The following DOK5 variants were observed in gnomAD, a reference collection of about 807,000 sequenced individuals.
The protein encoded by DOK5 is docking protein 5, also known as downstream of tyrosine kinase 5.
A neutral mutation model predicts 43.3 loss-of-function variants in DOK5; 27 were observed. The ratio of observed to expected loss-of-function variants is 0.62; its 90% CI spans 0.46 to 0.86. The LOEUF (loss-of-function observed/expected upper bound fraction) is 0.86. Among genes scored for constraint, DOK5 ranks in the 40% least tolerant of loss-of-function variants. The pLI is 0.00. For synonymous variants in DOK5, 146 were observed against 140.1 expected, an observed-to-expected ratio of 1.04 and a Z score of -0.30; for missense variants, 373 against 392.9, an observed-to-expected ratio of 0.95 and a Z score of 0.43.
intron 2 of DOK5, among the ~76,000 whole-genome samples, chr20:54,571,058 A>G (rs1985265714): frequency 6.6e-6 from 1 of 152,202 alleles, no homozygotes; most frequent in African/African-American, 2.4e-5. Context: ...ATTTTTGGAA[A>G]TTCTTAATTG....
chr20:54,608,817 G>T (rs552624743), intron 5 of DOK5, among the ~76,000 whole-genome samples: 1 of 151,938 alleles, frequency 6.6e-6, no homozygotes, highest in South Asian at 2.1e-4. Context: ...GATTACAGGT[G>T]CCCCCCACAC....
At chr20:54,491,256 A>T (rs1982163415) in intron 1 of DOK5, among the ~76,000 whole-genome samples, 1 of 152,224 alleles carries the variant, frequency 6.6e-6, no homozygotes, top group African/African-American at 2.4e-5. Flanking sequence ...TAGTGGCTAG[A>T]ATAGTATCTG....
chr20:54,626,384 C>T lies in DOK5; in HGVS notation c.735+15861C>T, dbSNP rs117985117. On this transcript the variant is annotated intron_variant, in intron 6 of 7. Coordinates refer to ENST00000262593, the MANE Select transcript of DOK5 (RefSeq NM_018431.5). ...CATCTGGCTCTTTGCTGAGAGTCTG[C>T]GTGCTTTATTTCCTTCAATTTTCAC... Among the ~76,000 whole-genome samples, 16 of 152,220 alleles carry T rather than the reference C, an allele frequency of 1.1e-4. No homozygotes were observed. The East Asian group carries it at 2.5e-3, about 24-fold the overall frequency.
chr20:54,601,601 T>G (rs1986300166), intron 5 of DOK5, among the ~76,000 whole-genome samples: 1 of 152,252 alleles, frequency 6.6e-6, no homozygotes, highest in African/African-American at 2.4e-5. Flanking sequence ...AGAATTTACA[T>G]CTAAAAGTGA....
chr20:54,506,105 C>T (rs1419409272), intron 1 of DOK5, among the ~76,000 whole-genome samples: 1 of 152,092 alleles, frequency 6.6e-6, no homozygotes, highest in East Asian at 1.9e-4. Context: ...GAGAAGCAGC[C>T]CAGCTCTGCC....
chr20:54,489,396 T>G (rs1307724817), intron 1 of DOK5, among the ~76,000 whole-genome samples: 1 of 151,990 alleles, frequency 6.6e-6, no homozygotes, highest in South Asian at 2.1e-4. Context: ...ATAAGTAGTT[T>G]TGTGTGTGTG....
At chr20:54,528,068 C>T (rs1254309494) in intron 1 of DOK5, among the ~76,000 whole-genome samples, 4 of 152,046 alleles carry the variant, frequency 2.6e-5, no homozygotes, top group East Asian at 1.9e-4. Context: ...GTTAGTTGGG[C>T]GTGATGGTAG....
chr20:54,558,026 A>G (rs906699732), intron 2 of DOK5, among the ~76,000 whole-genome samples: 2 of 152,270 alleles, frequency 1.3e-5, no homozygotes, highest in African/African-American at 4.8e-5. Flanking sequence ...CTGAAAAGCA[A>G]GAAATGTTAT....
At chr20:54,643,603 A>G (rs1979231329) in intron 7 of DOK5, 25 bp downstream of exon 7, 1 of 1,607,360 alleles carries the variant, frequency 6.2e-7, no homozygotes, top group Non-Finnish European at 8.5e-7. Flanking sequence ...ACCTGTGTCC[A>G]GGGTGTGGGC....
chr20:54,589,792 A>C (rs1985925613), intron 4 of DOK5, among the ~76,000 whole-genome samples: 1 of 152,230 alleles, frequency 6.6e-6, no homozygotes, highest in Non-Finnish European at 1.5e-5. Context: ...TGACACATTT[A>C]CAATCTGTGA....
chr20:54,493,924 C>T (rs976630953), intron 1 of DOK5, among the ~76,000 whole-genome samples: 1 of 152,166 alleles, frequency 6.6e-6, no homozygotes, highest in African/African-American at 2.4e-5. Flanking sequence ...GGGTGACAGA[C>T]TGAGACCAAG....
intron 5 of DOK5, among the ~76,000 whole-genome samples, chr20:54,604,621 A>C (rs1986406908): frequency 6.6e-6 from 1 of 152,190 alleles, no homozygotes; most frequent in Non-Finnish European, 1.5e-5. Flanking sequence ...TTATTCTTTC[A>C]ATTATAACGT....
In DOK5 at chr20:54,475,946, G is replaced by C; in HGVS notation, c.-1G>C. 3 of 1,613,362 alleles carry C rather than the reference G, an allele frequency of 1.9e-6. No homozygotes were observed. The highest frequency in any genetic ancestry group is 2.5e-6 in the Non-Finnish European group (3 of 1,179,930). On this transcript the variant is annotated 5_prime_UTR_variant, in exon 1 of 8. Transcript: ENST00000262593. This position sits in a 1 kb window ranked among gnomAD's most constrained non-coding sequence, Gnocchi z 4.2. ...AAAGGGGGGGTCACCGGCTGTCTGGGATGGCTTCCAATTTTAATGACATAG... is the reference window on the plus strand; with the variant it reads ...AAAGGGGGGGTCACCGGCTGTCTGGCATGGCTTCCAATTTTAATGACATAG...
chr20:54,491,977 A>G (rs977072396), intron 1 of DOK5, among the ~76,000 whole-genome samples: 10 of 152,132 alleles, frequency 6.6e-5, no homozygotes, highest in African/African-American at 2.4e-4. Flanking sequence ...AAAAAGAAAG[A>G]AAGACAAAGG....
chr20:54,631,478 G>A (rs565341113), intron 6 of DOK5, among the ~76,000 whole-genome samples: 6 of 151,938 alleles, frequency 3.9e-5, no homozygotes, highest in African/African-American at 1.4e-4. Flanking sequence ...GAAGGAGAGA[G>A]GGAGGGAGGC....
intron 1 of DOK5, among the ~76,000 whole-genome samples, chr20:54,496,765 C>CAAAAAAAAAAAAAAAAAAA (rs74179280): frequency 1.7e-5 from 1 of 59,508 alleles, no homozygotes; most frequent in Non-Finnish European, 3.7e-5. Context: ...GACTCCGTCT[C>CAAAAAAAAAAAAAAAAAAA]AAAAAAAAAA....
At chr20:54,581,225 T>C (rs1400089051) in intron 2 of DOK5, among the ~76,000 whole-genome samples, 1 of 152,112 alleles carries the variant, frequency 6.6e-6, no homozygotes, top group African/African-American at 2.4e-5. Context: ...TTCTGTTCCA[T>C]GTGTCTGTAT....
At chr20:54,647,696 G>C (rs1568828901) in intron 7 of DOK5, among the ~76,000 whole-genome samples, 1 of 48,122 alleles carries the variant, frequency 2.1e-5, no homozygotes, top group Admixed American at 1.5e-4. Flanking sequence ...TTTCCCCTAA[G>C]AAAGGTTACT....
intron 2 of DOK5, among the ~76,000 whole-genome samples, chr20:54,582,764 A>C (rs985036541): frequency 5.9e-5 from 9 of 151,824 alleles, no homozygotes; most frequent in Non-Finnish European, 1.2e-4. Context: ...ATTAGACTCC[A>C]CTTATTTTCC....
Sources: allele counts gnomAD v4.1 joint callset (sites outside exome capture counted in the v4.1 genomes callset), GRCh38; gene constraint gnomAD v4.1.1; non-coding constraint Gnocchi (gnomAD v3.1); transcripts MANE v1.5; gene names NCBI Gene and HGNC (gene_info 2026-07-23, HGNC 2026-07-21).